The following AP2A2 variants were observed in gnomAD, a reference collection of about 807,000 sequenced individuals.
AP2A2 encodes AP-2 complex subunit alpha-2.
Under a neutral mutation model 104.2 loss-of-function variants are expected in AP2A2, and 32 were observed. That is an observed-to-expected ratio of 0.31 (90% CI 0.23 to 0.41). AP2A2 has a LOEUF of 0.41. Ranked by LOEUF, AP2A2 falls within the 10% of genes least tolerant of loss-of-function variation. The pLI, the probability that AP2A2 is intolerant of heterozygous loss-of-function variation, is 1.00. For synonymous variants in AP2A2, 539 were observed against 533.3 expected (o/e 1.01, Z -0.15); for missense variants, 912 against 1,261.0 (o/e 0.72, Z 4.19).
chr11:975,156 C>T (rs1190429847), intron 4 of AP2A2, among the ~76,000 whole-genome samples: 1 of 152,204 alleles, frequency 6.6e-6, no homozygotes, highest in African/African-American at 2.4e-5. Flanking sequence ...GGGGTGGTGT[C>T]TCTGCTGGGA....
chr11:993,991 A>G lies in AP2A2; in HGVS notation c.1782+6A>G. 6.2e-7 allele frequency: 1 copy of G among 1,610,124 alleles called. No homozygotes were observed. The highest frequency in any genetic ancestry group is 8.5e-7 in the Non-Finnish European group (1 of 1,177,772). ...TGGCCAGCACCGACATTCTGGTAGGAGGCCCCCGCCCTTCGGGCTGGCTTG... is the reference window on the plus strand; with the variant it reads ...TGGCCAGCACCGACATTCTGGTAGGGGGCCCCCGCCCTTCGGGCTGGCTTG... On this transcript the variant is annotated splice_donor_region_variant and intron_variant, in intron 13 of 21. Transcript: ENST00000448903. This position sits in a 1 kb window ranked among gnomAD's most constrained non-coding sequence, Gnocchi z 8.2.
intron 14 of AP2A2, among the ~76,000 whole-genome samples, chr11:998,323 A>ACCCGCCCCCCTTCTGACCC (rs1855922896): frequency 2.6e-5 from 2 of 77,208 alleles, no homozygotes; most frequent in African/African-American, 4.9e-5. Flanking sequence ...TCTGACTCTC[A>ACCCGCCCCCCTTCTGACCC]CCCGCCCCCA....
At chr11:944,167 C>T (rs931861508) in intron 1 of AP2A2, among the ~76,000 whole-genome samples, 2 of 152,108 alleles carry the variant, frequency 1.3e-5, no homozygotes, top group African/African-American at 2.4e-5. Flanking sequence ...ATGGGGGCCC[C>T]GAAGGAGAGG....
intron 3 of AP2A2, among the ~76,000 whole-genome samples, 182 bp downstream of exon 3, chr11:970,493 G>T (rs988236641): frequency 3.7e-4 from 56 of 152,350 alleles, no homozygotes; most frequent in Middle Eastern, 3.4e-3. Flanking sequence ...CACCCTGCGG[G>T]CCCCCTTCCC....
At position 985,421 on chromosome 11, in the gene AP2A2, G is replaced by A. The variant is rs373037617; in HGVS notation, c.815-14G>A. 4.6e-5 allele frequency: 74 copies of A among 1,612,782 alleles called. No individual in the cohort carries two copies. Among genetic ancestry groups the A allele is most frequent in the Admixed American group, 3.2e-4 (19 of 59,900 alleles). ...ACTGGAGACTGGTGAGCACCGTTCT[G>A]TCTTGCCCAGAAGACCCTGCAGTGC... On this transcript the variant is annotated splice_polypyrimidine_tract_variant and intron_variant, in intron 7 of 21. Transcript: ENST00000448903.
intron 6 of AP2A2, among the ~76,000 whole-genome samples, chr11:984,401 C>T (rs2133704702): frequency 6.6e-6 from 1 of 152,278 alleles, no homozygotes; most frequent in East Asian, 1.9e-4. Context: ...AATCCAGGTG[C>T]TATGGTGTCT....
At chr11:1,004,075 C>T (rs1031806123) in intron 16 of AP2A2, among the ~76,000 whole-genome samples, 1 of 152,090 alleles carries the variant, frequency 6.6e-6, no homozygotes, top group Non-Finnish European at 1.5e-5. Context: ...AGGGAAAATA[C>T]AGGAATGCTC....
rs144840661 is a variant in AP2A2 at position 993,679 on chromosome 11, T to TCC, written c.1551-67_1551-66dup. The TCC allele has an allele frequency of 9.8e-6, 11 of 1,122,442 alleles. No individual in the cohort carries two copies. Among genetic ancestry groups the TCC allele is most frequent in the Admixed American group, 4.5e-5 (2 of 44,084 alleles). The allele number at this position is 1,122,442 out of a possible 1,614,324, so 69.5% of individuals were successfully genotyped here. On this transcript the variant is annotated intron_variant, in intron 12 of 21. Coordinates refer to ENST00000448903, the MANE Select transcript of AP2A2 (RefSeq NM_012305.4). This position sits in a 1 kb window ranked among gnomAD's most constrained non-coding sequence, Gnocchi z 8.2. Reference sequence around the variant, plus strand: ...TGCAGGCCAGGGGGTCTCGCCGCCGTCCCCCCCCCGCGGGGGCGTGCTGCA... The same window carrying TCC: ...TGCAGGCCAGGGGGTCTCGCCGCCGTCCCCCCCCCCCGCGGGGGCGTGCTGCA...
At chr11:982,870 C>T (rs916625683) in intron 6 of AP2A2, among the ~76,000 whole-genome samples, 7 of 151,566 alleles carry the variant, frequency 4.6e-5, no homozygotes, top group Non-Finnish European at 1.0e-4. Context: ...AGGCTGGTCT[C>T]GAACTCCTGA....
intron 8 of AP2A2, among the ~76,000 whole-genome samples, chr11:985,977 G>A (rs1283749839): frequency 6.6e-6 from 1 of 152,250 alleles, no homozygotes; most frequent in African/African-American, 2.4e-5. Context: ...TGCTGGAAAC[G>A]TCTGTGCCCA....
intron 1 of AP2A2, among the ~76,000 whole-genome samples, chr11:936,176 G>C (rs2134465608): frequency 6.8e-6 from 1 of 147,598 alleles, no homozygotes; most frequent in South Asian, 2.2e-4. Flanking sequence ...CAAAGTGCTA[G>C]GATTACAGGC....
rs1217034512 is a variant in AP2A2 at position 968,177 on chromosome 11, G to A, written c.137-1992G>A. On this transcript the variant is annotated intron_variant, in intron 2 of 21. Coordinates refer to ENST00000448903, the MANE Select transcript of AP2A2 (RefSeq NM_012305.4). This position sits in a 1 kb window ranked among gnomAD's most constrained non-coding sequence, Gnocchi z 4.2. ...CCGAGCACTGTGGCTTTCTCCTCGC[G>A]CTGGCGACTTCCGCTGCCCCTCACG... Among the ~76,000 whole-genome samples the A allele has an allele frequency of 1.3e-5, 2 of 152,180 alleles. No homozygotes were observed. Among genetic ancestry groups the A allele is most frequent in the South Asian group, 2.1e-4 (1 of 4,824 alleles).
At chr11:997,083 T>C (rs188261993) in intron 14 of AP2A2, among the ~76,000 whole-genome samples, 31 of 152,280 alleles carry the variant, frequency 2.0e-4, no homozygotes, top group Non-Finnish European at 4.0e-4. Context: ...GTCTTCTGTA[T>C]GGGCCGTGAA....
intron 1 of AP2A2, among the ~76,000 whole-genome samples, chr11:958,847 C>G (rs1331662324): frequency 6.6e-6 from 1 of 152,118 alleles, no homozygotes; most frequent in Non-Finnish European, 1.5e-5. Context: ...AACATTCAGT[C>G]CATACGGCAG....
intron 1 of AP2A2, among the ~76,000 whole-genome samples, chr11:955,724 C>A (rs576838460): frequency 1.3e-5 from 2 of 152,312 alleles, no homozygotes; most frequent in South Asian, 2.1e-4. Context: ...AGTGTTTGTT[C>A]GGTTCAGGAA....
In AP2A2 at chr11:1,010,791, C is replaced by T. The variant is rs1856402158; in HGVS notation, c.*166C>T. The stretch of plus-strand genomic sequence containing the variant: ...CCCCTTTGGGCTGGACGGGAACACA[C>T]GTGTGTGGCTCAGGAGGAAAAGCTC... On this transcript the variant is annotated 3_prime_UTR_variant, in exon 22 of 22. Coordinates refer to ENST00000448903, the MANE Select transcript of AP2A2 (RefSeq NM_012305.4). The T allele has an allele frequency of 4.4e-6, 3 of 689,368 alleles. No individual in the cohort carries two copies. Among genetic ancestry groups the T allele is most frequent in the Non-Finnish European group, 7.9e-6 (3 of 380,368 alleles). 42.7% of individuals were successfully genotyped at this position (689,368 alleles called of 1,614,324 possible).
chr11:954,722 GGTGTGTGTGTGTGTGTATTT>G (rs1485472899), intron 1 of AP2A2, among the ~76,000 whole-genome samples: 2 of 150,666 alleles, frequency 1.3e-5, no homozygotes, highest in Non-Finnish European at 3.0e-5. Context: ...GTGTGTATTT[GGTGTGTGTGTGTGTGTATTT>G]GTGTGTGTGT....
chr11:983,596 G>T (rs180817205), intron 6 of AP2A2, among the ~76,000 whole-genome samples: 2 of 151,896 alleles, frequency 1.3e-5, no homozygotes, highest in Non-Finnish European at 2.9e-5. Context: ...TGTTAGCCAG[G>T]ATGGTCTCGA....
chr11:997,500 C>G (rs377405753), intron 14 of AP2A2, among the ~76,000 whole-genome samples: 58 of 152,324 alleles, frequency 3.8e-4, no homozygotes, highest in African/African-American at 1.3e-3. Context: ...GTGTTAGGAC[C>G]CTACTGTCCT....
Sources: allele counts gnomAD v4.1 joint callset (sites outside exome capture counted in the v4.1 genomes callset), GRCh38; gene constraint gnomAD v4.1.1; non-coding constraint Gnocchi (gnomAD v3.1); transcripts MANE v1.5; gene names NCBI Gene and HGNC (gene_info 2026-07-23, HGNC 2026-07-21).